Variants in INSL6 observed in about 807,000 individuals in gnomAD.
INSL6 encodes the protein insulin like 6.
A neutral mutation model predicts 9.4 loss-of-function variants in INSL6; 16 were observed. The ratio of observed to expected loss-of-function variants is 1.70; its 90% CI spans 1.15 to 2.59. The LOEUF (loss-of-function observed/expected upper bound fraction) is 2.59. Among genes scored for constraint, INSL6 ranks in the 30% most tolerant of loss-of-function variants. The pLI, the probability that INSL6 is intolerant of heterozygous loss-of-function variation, is 0.00. For missense variants in INSL6, 391 were observed against 257.3 expected (o/e 1.52, Z -3.56); for synonymous variants, 154 against 96.9 (o/e 1.59, Z -3.46).
downstream of INSL6, among the ~76,000 whole-genome samples, chr9:5,163,499 T>C (rs1174306792): frequency 6.6e-6 from 1 of 152,212 alleles, no homozygotes; most frequent in Non-Finnish European, 1.5e-5. Flanking sequence ...GTTGATTCGT[T>C]ATTTTTAAGT....
the INSL6 span, among the ~76,000 whole-genome samples, chr9:4,999,790 T>C: frequency 1.3e-5 from 2 of 152,224 alleles, no homozygotes; most frequent in Non-Finnish European, 1.5e-5. Context: ...GTTGGCTAAG[T>C]TGCCACAATT....
the INSL6 span, among the ~76,000 whole-genome samples, chr9:5,050,344 A>G: frequency 0.09 from 13,689 of 152,168 alleles, 1,845 homozygotes; most frequent in African/African-American, 0.3. Flanking sequence ...TACCCAGACT[A>G]GGGTGCAGTG....
At chr9:5,060,110 C>CTT in the INSL6 span, among the ~76,000 whole-genome samples, 1 of 152,110 alleles carries the variant, frequency 6.6e-6, no homozygotes, top group East Asian at 1.9e-4. Flanking sequence ...ACTAAGTGTG[C>CTT]AACAGCATTA....
the INSL6 span, among the ~76,000 whole-genome samples, chr9:5,090,118 T>C: frequency 6.6e-6 from 1 of 152,220 alleles, no homozygotes; most frequent in Non-Finnish European, 1.5e-5. Flanking sequence ...ATTGTTTTTG[T>C]TTACATTTTC....
At chr9:5,107,005 A>G in the INSL6 span, among the ~76,000 whole-genome samples, 3 of 152,198 alleles carry the variant, frequency 2.0e-5, no homozygotes, top group African/African-American at 4.8e-5. Context: ...CATTGTGCAC[A>G]TGTACCCTAG....
At chr9:5,079,454 G>A in the INSL6 span, among the ~76,000 whole-genome samples, 3 of 151,202 alleles carry the variant, frequency 2.0e-5, no homozygotes, top group Non-Finnish European at 2.9e-5. Context: ...ATATTTTGGT[G>A]CAATTTAGCC....
At chr9:5,055,656 C>G in the INSL6 span, 1 of 1,533,872 alleles carries the variant, frequency 6.5e-7, no homozygotes, top group Admixed American at 1.8e-5. Flanking sequence ...ATTTTACATG[C>G]TTTTAATTAT....
chr9:5,040,845 G>T, the INSL6 span: 3 of 217,418 alleles, frequency 1.4e-5, no homozygotes, highest in Non-Finnish European at 2.8e-5. Context: ...CAGAGCCCCA[G>T]CGCGAGCAGG....
the INSL6 span, among the ~76,000 whole-genome samples, chr9:5,059,984 T>C: frequency 0.021 from 3,229 of 152,278 alleles, 127 homozygotes; most frequent in African/African-American, 0.075. Context: ...GTCAGAGATA[T>C]TTCTAGTTCA....
the INSL6 span, chr9:5,054,698 G>T: frequency 7.4e-6 from 12 of 1,613,374 alleles, no homozygotes; most frequent in Non-Finnish European, 1.0e-5. This position sits in a 1 kb window ranked among gnomAD's most constrained non-coding sequence, Gnocchi z 4.9. Flanking sequence ...CCAGAAACTT[G>T]AAACTTAAGT....
At chr9:5,073,642 AACTATTTATGG>A in the INSL6 span, 1 of 1,283,494 alleles carries the variant, frequency 7.8e-7, no homozygotes, top group South Asian at 1.2e-5. Context: ...GAATTTTCTG[AACTATTTATGG>A]ACAACAGTCA....
chr9:5,020,484 G>C, the INSL6 span, among the ~76,000 whole-genome samples: 1 of 152,170 alleles, frequency 6.6e-6, no homozygotes, highest in Non-Finnish European at 1.5e-5. Flanking sequence ...ATGTTCAGGT[G>C]GGGGCAGCAG....
the INSL6 span, among the ~76,000 whole-genome samples, chr9:5,101,176 C>T: frequency 6.6e-6 from 1 of 152,302 alleles, no homozygotes; most frequent in East Asian, 1.9e-4. Context: ...ACACTTTTGC[C>T]CAAATACTGT....
At chr9:5,038,380 C>G in the INSL6 span, among the ~76,000 whole-genome samples, 4 of 151,994 alleles carry the variant, frequency 2.6e-5, no homozygotes, top group Non-Finnish European at 5.9e-5. Context: ...TAGTTATTCA[C>G]AAAAAATAGA....
At chr9:5,139,063 T>A (rs1359726584) in intron 2 of INSL6, among the ~76,000 whole-genome samples, 2 of 152,108 alleles carry the variant, frequency 1.3e-5, no homozygotes, top group Non-Finnish European at 2.9e-5. Flanking sequence ...AAAATAAAAT[T>A]TCCTCAAACA....
intron 1 of INSL6, among the ~76,000 whole-genome samples, chr9:5,168,664 T>C (rs770785052): frequency 2.3e-4 from 35 of 152,014 alleles, no homozygotes; most frequent in Non-Finnish European, 2.6e-4. Context: ...CACTACAGTA[T>C]ATCATCCAGG....
chr9:5,174,661 T>C (rs540194966), intron 1 of INSL6, among the ~76,000 whole-genome samples: 1 of 152,314 alleles, frequency 6.6e-6, no homozygotes, highest in South Asian at 2.1e-4. Context: ...CAAAAAATTA[T>C]TTATCTACCT....
chr9:5,033,426 C>G, the INSL6 span, among the ~76,000 whole-genome samples: 1 of 152,104 alleles, frequency 6.6e-6, no homozygotes. Context: ...GCAACTCCAA[C>G]ACACATAATT....
chr9:5,107,421 C>T, the INSL6 span, among the ~76,000 whole-genome samples: 1 of 152,134 alleles, frequency 6.6e-6, no homozygotes, highest in African/African-American at 2.4e-5. Flanking sequence ...TCCTCTTAGA[C>T]TTAGAAATCG....
Sources: allele counts gnomAD v4.1 joint callset (sites outside exome capture counted in the v4.1 genomes callset), GRCh38; gene constraint gnomAD v4.1.1; non-coding constraint Gnocchi (gnomAD v3.1); transcripts MANE v1.5; gene names NCBI Gene and HGNC (gene_info 2026-07-23, HGNC 2026-07-21).